Variants in TPH2 observed in about 807,000 individuals in gnomAD.
The protein encoded by TPH2 is tryptophan hydroxylase 2.
Under a neutral mutation model 59.1 loss-of-function variants are expected in TPH2, and 27 were observed. The observed-to-expected ratio is 0.46, with a 90% CI of 0.34 to 0.63. The LOEUF is 0.63. Ranked by LOEUF, TPH2 falls within the 30% of genes least tolerant of loss-of-function variation. TPH2 has a pLI of 0.01. For synonymous variants in TPH2, 220 were observed against 210.5 expected (o/e 1.05, Z -0.39); for missense variants, 523 against 588.3 (o/e 0.89, Z 1.15).
chr12:71,964,770 T>C (rs1871769846), intron 5 of TPH2: 1 of 984,976 alleles, frequency 1.0e-6, no homozygotes, highest in Non-Finnish European at 1.2e-6. Flanking sequence ...ATAAATTTTG[T>C]GATGATGAAT....
At chr12:71,978,784 G>A (rs908121918) in intron 6 of TPH2, among the ~76,000 whole-genome samples, 168 bp from the exon 7 acceptor site, 2 of 152,154 alleles carry the variant, frequency 1.3e-5, no homozygotes, top group Admixed American at 1.3e-4. Context: ...GTCATCAGAA[G>A]CACCAAACAT....
chr12:72,012,921 T>A (rs1394463894), intron 8 of TPH2, among the ~76,000 whole-genome samples: 2 of 152,126 alleles, frequency 1.3e-5, no homozygotes, highest in Non-Finnish European at 2.9e-5. Context: ...GAAGGGGCAA[T>A]AAAACTGAAA....
At chr12:71,964,385 C>T (rs918069959) in intron 5 of TPH2, 10 of 468,244 alleles carry the variant, frequency 2.1e-5, no homozygotes, top group Non-Finnish European at 2.7e-5. Context: ...TGGGTTCAAG[C>T]GATTCTCCTG....
At chr12:72,022,582 C>A in intron 9 of TPH2, 88 bp downstream of exon 9, 1 of 1,002,278 alleles carries the variant, frequency 1.0e-6, no homozygotes, top group Non-Finnish European at 1.6e-6. Flanking sequence ...AGCATTTCTA[C>A]TCACAGATAC....
chr12:71,994,035 G>A lies in TPH2; in HGVS notation c.942-404G>A, dbSNP rs184688971. Among the ~76,000 whole-genome samples the A allele has an allele frequency of 2.0e-4, 30 of 152,268 alleles. No individual in the cohort carries two copies. The East Asian group carries it at 5.6e-3, about 28-fold the overall frequency. ...AATAAAACTTTATTTACAAAAACAGGCAATGGACCAGATTTGGACCATGGC... is the reference window on the plus strand; with the variant it reads ...AATAAAACTTTATTTACAAAAACAGACAATGGACCAGATTTGGACCATGGC... On this transcript the variant is annotated intron_variant, in intron 7 of 10. Transcript: ENST00000333850.
rs1337031068 is a variant in TPH2 at position 72,015,210 on chromosome 12, A to C, written c.1069-7189A>C. The stretch of plus-strand genomic sequence containing the variant: ...CAACTTTGTAAGTGTATACATTGAC[A>C]TACTAGTTGTCTTCTCAAAAACTAG... On this transcript the variant is annotated intron_variant, in intron 8 of 10. Coordinates refer to ENST00000333850, the MANE Select transcript of TPH2 (RefSeq NM_173353.4). 2.6e-5 allele frequency among the ~76,000 whole-genome samples: 4 copies of C among 151,940 alleles called. No individual in the cohort carries two copies. In the East Asian group the frequency reaches 7.7e-4, roughly 29 times the overall value.
At chr12:72,008,949 A>ATG (rs145064810) in intron 8 of TPH2, among the ~76,000 whole-genome samples, 36 of 151,444 alleles carry the variant, frequency 2.4e-4, no homozygotes, top group African/African-American at 6.3e-4. Flanking sequence ...AGCAGTGTGC[A>ATG]TGTGTGTGTG....
intron 8 of TPH2, among the ~76,000 whole-genome samples, chr12:72,001,002 C>T (rs1566153653): frequency 6.6e-6 from 1 of 152,346 alleles, no homozygotes; most frequent in East Asian, 1.9e-4. Flanking sequence ...TCCTATGATG[C>T]AGATGGCTTC....
chr12:71,952,215 C>T (rs768201354), intron 5 of TPH2, among the ~76,000 whole-genome samples: 7 of 152,020 alleles, frequency 4.6e-5, no homozygotes, highest in African/African-American at 1.7e-4. Context: ...CAAGAGTTTG[C>T]GTTTGCCACC....
intron 8 of TPH2, among the ~76,000 whole-genome samples, chr12:72,007,171 T>TAGAGGTA (rs1872976235): frequency 6.6e-6 from 1 of 152,122 alleles, no homozygotes; most frequent in African/African-American, 2.4e-5. Context: ...CCATAAATAA[T>TAGAGGTA]AGAGGTAAGG....
intron 5 of TPH2, among the ~76,000 whole-genome samples, chr12:71,966,670 T>G (rs986204253): frequency 1.3e-5 from 2 of 152,236 alleles, no homozygotes; most frequent in South Asian, 2.1e-4. Context: ...CAATTCTCTG[T>G]TATCTTCTGC....
At chr12:71,942,463 A>G (rs1026657235) in intron 2 of TPH2, among the ~76,000 whole-genome samples, 2 of 152,170 alleles carry the variant, frequency 1.3e-5, no homozygotes, top group Non-Finnish European at 2.9e-5. Flanking sequence ...GCGGTTGATG[A>G]GAGCTGTTAA....
rs759935946 is a variant in TPH2, at chr12:71,944,466, C to T, written c.428C>T (p.Thr143Ile). The change falls in exon 3 of 11, where the codon ACA becomes ATA. Residue 143 changes from threonine to isoleucine, a missense_variant. Transcript: ENST00000333850. ...CTGAATCCTCCAGAGAACATTTGGACAGAGGAAGAAGGCAAGGGTGGTCTT... is the reference window on the plus strand; with the variant it reads ...CTGAATCCTCCAGAGAACATTTGGATAGAGGAAGAAGGCAAGGGTGGTCTT... ...VTLNPPENIW[T>I]EEEELEDVPW... 21 of 1,613,938 alleles carry T rather than the reference C, an allele frequency of 1.3e-5. No homozygotes were observed. The South Asian group carries it at 2.0e-4, about 15-fold the overall frequency.
At chr12:72,001,142 C>T (rs945117357) in intron 8 of TPH2, among the ~76,000 whole-genome samples, 1 of 152,174 alleles carries the variant, frequency 6.6e-6, no homozygotes, top group Non-Finnish European at 1.5e-5. Context: ...CGGCCTCTGG[C>T]CCAGTTGGAA....
At position 72,031,890 on chromosome 12, in the gene TPH2, C is replaced by A; in HGVS notation, c.*195C>A. The A allele has an allele frequency of 1.6e-6, 1 of 645,024 alleles. No homozygotes were observed. The highest frequency in any genetic ancestry group is 2.7e-6 in the Non-Finnish European group (1 of 365,030). The allele number at this position is 645,024 out of a possible 1,614,324, so 40.0% of individuals were successfully genotyped here. On this transcript the variant is annotated 3_prime_UTR_variant, in exon 11 of 11. Coordinates refer to ENST00000333850, the MANE Select transcript of TPH2 (RefSeq NM_173353.4). ...AGAAATCCAATGGCAGATAACCACT[C>A]ATTGTATGAAATAACGTATTATGTT...
At chr12:71,992,062 T>C (rs1316438776) in intron 7 of TPH2, among the ~76,000 whole-genome samples, 1 of 152,212 alleles carries the variant, frequency 6.6e-6, no homozygotes, top group Non-Finnish European at 1.5e-5. Flanking sequence ...ATTTTTAAAA[T>C]GCTCCTCAAG....
intron 5 of TPH2, among the ~76,000 whole-genome samples, chr12:71,954,876 T>A (rs994387066): frequency 6.6e-6 from 1 of 152,172 alleles, no homozygotes; most frequent in African/African-American, 2.4e-5. Flanking sequence ...TCAATCCATC[T>A]TATTCTCTTG....
At chr12:71,978,052 T>C (rs1872168951) in intron 6 of TPH2, among the ~76,000 whole-genome samples, 1 of 152,166 alleles carries the variant, frequency 6.6e-6, no homozygotes, top group Admixed American at 6.5e-5. Context: ...AGTAATGTGT[T>C]GTACAGATTT....
chr12:71,987,454 A>C (rs1872466153), intron 7 of TPH2, among the ~76,000 whole-genome samples: 1 of 152,244 alleles, frequency 6.6e-6, no homozygotes. Context: ...TTATTCAAGT[A>C]TGATAGGCTT....
Sources: gnomAD v4.1 joint callset for allele counts (sites outside exome capture counted in the v4.1 genomes callset) on GRCh38, gnomAD v4.1.1 for gene constraint, MANE v1.5 for transcripts, NCBI Gene and HGNC (gene_info 2026-07-23, HGNC 2026-07-21) for gene names.